The following SMC6 variants were observed in gnomAD, a reference collection of about 807,000 sequenced individuals.
SMC6 encodes structural maintenance of chromosomes 6.
In SMC6, 79 loss-of-function variants were observed where a neutral mutation model predicts 142.2. That is an observed-to-expected ratio of 0.56 (90% CI 0.46 to 0.67). The LOEUF (loss-of-function observed/expected upper bound fraction) is 0.67, where lower values mean the gene tolerates loss of function less well. Among genes scored for constraint, SMC6 ranks in the 30% least tolerant of loss-of-function variants. The pLI is 0.00. For synonymous variants in SMC6, 411 were observed against 412.4 expected, an observed-to-expected ratio of 1.00 and a Z score of 0.04; for missense variants, 1,072 against 1,284.0, an observed-to-expected ratio of 0.83 and a Z score of 2.52.
At chr2:17,726,756 T>C (rs2125032324) in intron 7 of SMC6, among the ~76,000 whole-genome samples, 1 of 152,316 alleles carries the variant, frequency 6.6e-6, no homozygotes, top group South Asian at 2.1e-4. Flanking sequence ...AGTGTTTTTA[T>C]TATAAAGTTT....
intron 18 of SMC6, among the ~76,000 whole-genome samples, chr2:17,706,811 A>T (rs959390914): frequency 6.6e-6 from 1 of 152,138 alleles, no homozygotes; most frequent in Non-Finnish European, 1.5e-5. Context: ...GTGCACCTCA[A>T]AGTACCAATC....
At chr2:17,732,555 C>T (rs1038508755) in intron 5 of SMC6, among the ~76,000 whole-genome samples, 6 of 151,836 alleles carry the variant, frequency 4.0e-5, no homozygotes, top group East Asian at 1.9e-4. Flanking sequence ...AAAAATTAGC[C>T]GGGCATGGTA....
Position 17,696,411 on chromosome 2 carries a change from C to T in SMC6, c.2410G>A (p.Ala804Thr), listed in dbSNP as rs1667989149. ...TTTTGGTTATCCACTTCAGAATCAG[C>T]AAGGTTTAATTCATCCTGTTTGAAC... ...ADPLKDELNL[A>T]DSEVDNQKRG... The change falls in exon 22 of 28, where the codon GCT becomes ACT. Residue 804 changes from alanine (A) to threonine (T), a missense_variant. This residue lies in a region of SMC6 where 994 missense variants were observed against 1,153.2 expected (regional missense o/e 0.86). Transcript: ENST00000448223. The T allele has an allele frequency of 1.2e-6, 2 of 1,606,394 alleles. No homozygotes were observed. Among genetic ancestry groups the T allele is most frequent in the Non-Finnish European group, 1.7e-6 (2 of 1,178,398 alleles).
At chr2:17,679,142 T>C (rs1286403838) in intron 24 of SMC6, 178 bp from the exon 25 acceptor site, 2 of 492,142 alleles carry the variant, frequency 4.1e-6, no homozygotes, top group Non-Finnish European at 7.2e-6. Context: ...TTTATATTCA[T>C]TTATGTCCCT....
intron 5 of SMC6, among the ~76,000 whole-genome samples, chr2:17,734,903 T>C (rs1335432642): frequency 1.3e-5 from 2 of 152,160 alleles, no homozygotes; most frequent in Non-Finnish European, 2.9e-5. Context: ...AGCTAATTTT[T>C]GTATTTTTAG....
At chr2:17,691,686 T>C (rs528897459) in intron 23 of SMC6, among the ~76,000 whole-genome samples, 12 of 152,124 alleles carry the variant, frequency 7.9e-5, no homozygotes, top group African/African-American at 2.9e-4. Flanking sequence ...ACCACTCCTA[T>C]TCCACATAGT....
chr2:17,716,974 C>T (rs1558358317), intron 13 of SMC6, 69 bp from the exon 14 acceptor site: 2 of 1,531,586 alleles, frequency 1.3e-6, no homozygotes, highest in African/African-American at 1.4e-5. Flanking sequence ...AGAACACAAA[C>T]CGATGTAATA....
In SMC6 at chr2:17,665,316, T is replaced by TTAAATTGCAGGTTGTAG. The variant is rs1666444242; in HGVS notation, c.*166_*182dup. On this transcript the variant is annotated 3_prime_UTR_variant, in exon 28 of 28. Transcript: ENST00000448223. ...TGATTTTCTTAAAGTAATAGTAATCTTAAATTGCAGGTTGTAGTTGGTTTT... is the reference window on the plus strand; with the variant it reads ...TGATTTTCTTAAAGTAATAGTAATCTTAAATTGCAGGTTGTAGTAAATTGCAGGTTGTAGTTGGTTTT... The TTAAATTGCAGGTTGTAG allele has an allele frequency of 5.1e-6, 2 of 394,016 alleles. No individual in the cohort carries two copies. Among genetic ancestry groups the TTAAATTGCAGGTTGTAG allele is most frequent in the South Asian group, 1.9e-4 (2 of 10,660 alleles). The allele number at this position is 394,016 out of a possible 1,614,324, so 24.4% of individuals were successfully genotyped here.
At chr2:17,695,431 AAT>A in intron 22 of SMC6, 134 bp from the exon 23 acceptor site, 2 of 668,464 alleles carry the variant, frequency 3.0e-6, no homozygotes, top group Non-Finnish European at 4.8e-6. Flanking sequence ...ATTTAATATC[AAT>A]GTTATTTATA....
At chr2:17,696,245 G>A (rs1368923531) in intron 22 of SMC6, 44 bp downstream of exon 22, 2 of 1,562,882 alleles carry the variant, frequency 1.3e-6, no homozygotes, top group South Asian at 1.2e-5. Flanking sequence ...AATAATCATG[G>A]CTAAGGCTGA....
At chr2:17,696,241 C>A (rs763050784) in intron 22 of SMC6, 48 bp downstream of exon 22, 2 of 1,559,954 alleles carry the variant, frequency 1.3e-6, no homozygotes, top group South Asian at 2.4e-5. Context: ...CTTTAATAAT[C>A]ATGGCTAAGG....
rs1669918902 is a variant in SMC6 at position 17,731,627 on chromosome 2, C to T, written c.481+114G>A. The T allele has an allele frequency of 2.9e-6, 3 of 1,029,064 alleles. No individual in the cohort carries two copies. In the Admixed American group the frequency reaches 6.4e-5, roughly 22 times the overall value. The allele number at this position is 1,029,064 out of a possible 1,614,324, so 63.7% of individuals were successfully genotyped here. On this transcript the variant is annotated intron_variant, in intron 6 of 27. Transcript: ENST00000448223. Reference sequence around the variant, plus strand: ...GTGTGTGTGTGTGTATATATATATGCACACAACCAATCATGTTACAAGGAA... The same window carrying T: ...GTGTGTGTGTGTGTATATATATATGTACACAACCAATCATGTTACAAGGAA...
At chr2:17,686,427 A>G (rs1667456585) in intron 23 of SMC6, among the ~76,000 whole-genome samples, 1 of 152,182 alleles carries the variant, frequency 6.6e-6, no homozygotes, top group South Asian at 2.1e-4. Context: ...GGTTGCAGTG[A>G]GCCAAGATTG....
chr2:17,694,312 C>G (rs1194463183), intron 23 of SMC6, among the ~76,000 whole-genome samples: 1 of 152,006 alleles, frequency 6.6e-6, no homozygotes, highest in Non-Finnish European at 1.5e-5. Flanking sequence ...CTTTAGTTAA[C>G]AACAATGTAA....
intron 23 of SMC6, among the ~76,000 whole-genome samples, chr2:17,686,217 G>A (rs1184340610): frequency 1.3e-5 from 2 of 152,034 alleles, no homozygotes; most frequent in Non-Finnish European, 2.9e-5. Context: ...ATCTCACTTT[G>A]CTGCCTATAA....
Position 17,668,635 on chromosome 2 carries a change from G to A in SMC6, c.3063+1788C>T, listed in dbSNP as rs1666613926. 2.6e-5 allele frequency among the ~76,000 whole-genome samples: 4 copies of A among 152,224 alleles called. No individual in the cohort carries two copies. In the South Asian group the frequency reaches 8.3e-4, roughly 32 times the overall value. On this transcript the variant is annotated intron_variant, in intron 26 of 27. Coordinates refer to ENST00000448223, the MANE Select transcript of SMC6 (RefSeq NM_001142286.2). ...GTTGATGTAAGGTGGTGCAAAGGAA[G>A]TTCTGAGAAGTTCCTCATCCTGCCT...
At chr2:17,717,720 A>C (rs1228061157) in intron 12 of SMC6, among the ~76,000 whole-genome samples, 1 of 150,212 alleles carries the variant, frequency 6.7e-6, no homozygotes, top group Non-Finnish European at 1.5e-5. Flanking sequence ...AGAGGTTCAC[A>C]CATGTAATCC....
chr2:17,719,594 A>T (rs1161517213), intron 11 of SMC6, among the ~76,000 whole-genome samples: 6 of 152,190 alleles, frequency 3.9e-5, no homozygotes, highest in African/African-American at 1.4e-4. Context: ...TTAGACTGGG[A>T]AATGCTTGAG....
chr2:17,666,552 G>T, intron 26 of SMC6, 35 bp from the exon 27 acceptor site: 1 of 1,490,170 alleles, frequency 6.7e-7, no homozygotes, highest in Non-Finnish European at 9.4e-7. Context: ...GATTGCTATT[G>T]TGTAAGTCAC....
Sources: allele counts gnomAD v4.1 joint callset (sites outside exome capture counted in the v4.1 genomes callset), GRCh38; gene constraint gnomAD v4.1.1; regional missense constraint gnomAD v4.1.1; transcripts MANE v1.5; gene names NCBI Gene and HGNC (gene_info 2026-07-23, HGNC 2026-07-21).